The following CA10 variants were observed in gnomAD, a reference collection of about 807,000 sequenced individuals.
CA10 encodes the protein carbonic anhydrase-related protein 10.
A neutral mutation model predicts 44.2 loss-of-function variants in CA10; 14 were observed. The observed-to-expected ratio is 0.32, with a 90% CI of 0.21 to 0.50. The LOEUF is 0.50. CA10 is among the 20% of genes least tolerant of loss of function. CA10 has a pLI of 0.99. For synonymous variants in CA10, 159 were observed against 141.6 expected (o/e 1.12, Z -0.87); for missense variants, 350 against 409.7 (o/e 0.85, Z 1.26).
intron 2 of CA10, among the ~76,000 whole-genome samples, chr17:52,010,803 G>T (rs1341098972): frequency 7.7e-6 from 1 of 130,442 alleles, no homozygotes; most frequent in East Asian, 4.4e-4. Flanking sequence ...ATGCATGTTA[G>T]TGCTGTTTCA....
chr17:51,636,206 G>A (rs935063953), intron 6 of CA10, among the ~76,000 whole-genome samples, 197 bp from the exon 7 acceptor site: 1 of 152,078 alleles, frequency 6.6e-6, no homozygotes, highest in Non-Finnish European at 1.5e-5. Context: ...TTGTCCCCCA[G>A]ATCTCGGTTG....
At chr17:51,939,412 A>G (rs1451189280) in intron 2 of CA10, among the ~76,000 whole-genome samples, 1 of 152,116 alleles carries the variant, frequency 6.6e-6, no homozygotes, top group Non-Finnish European at 1.5e-5. Context: ...TCATTTCAGT[A>G]GAAAAGATTC....
chr17:52,092,339 G>GA (rs551666228), intron 1 of CA10, among the ~76,000 whole-genome samples: 2 of 152,136 alleles, frequency 1.3e-5, no homozygotes, highest in Non-Finnish European at 2.9e-5. Flanking sequence ...CTAAGAGGAG[G>GA]AAAAACGTTT....
At chr17:52,025,544 A>C (rs1299489135) in intron 2 of CA10, among the ~76,000 whole-genome samples, 1 of 152,112 alleles carries the variant, frequency 6.6e-6, no homozygotes, top group Non-Finnish European at 1.5e-5. Context: ...ACATAGGACT[A>C]GATGGATTTT....
At chr17:51,844,168 A>G (rs1317382339) in intron 3 of CA10, among the ~76,000 whole-genome samples, 2 of 151,734 alleles carry the variant, frequency 1.3e-5, no homozygotes, top group African/African-American at 4.8e-5. Context: ...TATTTGAAGA[A>G]GAGGAAATTT....
intron 3 of CA10, among the ~76,000 whole-genome samples, chr17:51,795,517 AT>A (rs1406239448): frequency 1.3e-5 from 2 of 152,234 alleles, no homozygotes; most frequent in East Asian, 3.9e-4. Flanking sequence ...AGGAAAAAGT[AT>A]TTGCCACATA....
rs1914559330 is a variant in CA10 at position 51,674,830 on chromosome 17, A to T, written c.466-21094T>A. Among the ~76,000 whole-genome samples, 3 of 152,332 alleles carry T rather than the reference A, an allele frequency of 2.0e-5. No individual in the cohort carries two copies. In the South Asian group the frequency reaches 6.2e-4, roughly 32 times the overall value. ...TAATACCACCCAGAAGGAAGATGCC[A>T]GAAGTCTGTTTAAGGTCCTGTTATT... is the stretch of plus-strand genomic sequence containing the variant. On this transcript the variant is annotated intron_variant, in intron 4 of 8. Transcript: ENST00000451037.
At chr17:51,716,876 G>A (rs1916130534) in intron 4 of CA10, among the ~76,000 whole-genome samples, 1 of 152,196 alleles carries the variant, frequency 6.6e-6, no homozygotes, top group Non-Finnish European at 1.5e-5. Context: ...GGTAGGGCCA[G>A]CATTTGTTCA....
At chr17:51,754,432 T>C (rs1223589551) in intron 3 of CA10, among the ~76,000 whole-genome samples, 2 of 122,554 alleles carry the variant, frequency 1.6e-5, no homozygotes, top group Admixed American at 1.6e-4. Flanking sequence ...TATATATATA[T>C]ATATATATAT....
At chr17:51,729,341 G>T (rs6504742) in intron 4 of CA10, among the ~76,000 whole-genome samples, 97,475 of 151,734 alleles carry the variant, frequency 0.64, 31,483 homozygotes, top group East Asian at 0.73. Context: ...AAACTTTTTT[G>T]TGTGTGTGTG....
chr17:51,844,647 A>G (rs145370962), intron 3 of CA10, among the ~76,000 whole-genome samples: 83 of 152,340 alleles, frequency 5.4e-4, no homozygotes, highest in African/African-American at 1.9e-3. Flanking sequence ...TGAGACTAGA[A>G]AGTCCCAGCA....
chr17:51,765,185 G>C (rs886625658), intron 3 of CA10, among the ~76,000 whole-genome samples: 1 of 152,258 alleles, frequency 6.6e-6, no homozygotes. Context: ...ATCTGTACCA[G>C]AGAAGTTTTC....
At chr17:51,646,620 T>C (rs771091037) in intron 6 of CA10, among the ~76,000 whole-genome samples, 9 of 152,192 alleles carry the variant, frequency 5.9e-5, no homozygotes, top group Non-Finnish European at 8.8e-5. Flanking sequence ...ACCTGCTGCC[T>C]GTTGGAAAGC....
intron 4 of CA10, among the ~76,000 whole-genome samples, chr17:51,746,192 A>G (rs1486908533): frequency 6.6e-6 from 1 of 152,230 alleles, no homozygotes. Context: ...AGATGAAATC[A>G]TGCAGCTTCT....
intron 3 of CA10, among the ~76,000 whole-genome samples, chr17:51,816,063 T>TC (rs1907553770): frequency 2.0e-5 from 3 of 151,948 alleles, no homozygotes; most frequent in Non-Finnish European, 2.9e-5. Flanking sequence ...CATCTCCACC[T>TC]CCCCCCGGCC....
At chr17:52,092,357 A>G (rs1988289678) in intron 1 of CA10, among the ~76,000 whole-genome samples, 1 of 152,222 alleles carries the variant, frequency 6.6e-6, no homozygotes, top group Non-Finnish European at 1.5e-5. Context: ...TTTTTAAGAA[A>G]AAACCAAAAA....
At chr17:51,737,204 A>G (rs1425400283) in intron 4 of CA10, among the ~76,000 whole-genome samples, 1 of 152,022 alleles carries the variant, frequency 6.6e-6, no homozygotes, top group East Asian at 1.9e-4. Context: ...AGGTTCTTTA[A>G]CCTCTCGAGG....
At chr17:51,639,870 G>A (rs559041214) in intron 6 of CA10, among the ~76,000 whole-genome samples, 60 of 152,280 alleles carry the variant, frequency 3.9e-4, no homozygotes, top group Non-Finnish European at 8.1e-4. Context: ...GCAATAAGCA[G>A]ATGGTTGGAG....
At chr17:52,003,663 CA>C (rs909921107) in intron 2 of CA10, among the ~76,000 whole-genome samples, 3 of 151,790 alleles carry the variant, frequency 2.0e-5, no homozygotes, top group Non-Finnish European at 4.4e-5. Context: ...AAGCTTCAGA[CA>C]GAGGGATTTG....
Sources: allele counts gnomAD v4.1 joint callset (sites outside exome capture counted in the v4.1 genomes callset), GRCh38; gene constraint gnomAD v4.1.1; transcripts MANE v1.5; gene names NCBI Gene and HGNC (gene_info 2026-07-23, HGNC 2026-07-21).